HK2: variants seen among roughly 807,000 people sequenced by gnomAD.
HK2 encodes the protein hexokinase-2.
In HK2, 42 loss-of-function variants were observed where a neutral mutation model predicts 92.9. That is an observed-to-expected ratio of 0.45 (90% CI 0.35 to 0.58). The LOEUF (loss-of-function observed/expected upper bound fraction) is 0.58. Ranked by LOEUF, HK2 falls within the 20% of genes least tolerant of loss-of-function variation. The pLI is 0.00. For synonymous variants in HK2, 422 were observed against 468.0 expected (o/e 0.90, Z 1.27); for missense variants, 978 against 1,245.1 (o/e 0.79, Z 3.23).
intron 3 of HK2, among the ~76,000 whole-genome samples, chr2:74,868,341 T>C (rs907664544): frequency 2.0e-5 from 3 of 152,042 alleles, no homozygotes; most frequent in Admixed American, 1.3e-4. Flanking sequence ...ACACAGAGGG[T>C]AGCGGCCCTT....
chr2:74,873,187 G>C, intron 4 of HK2, 89 bp from the exon 5 acceptor site: 2 of 953,210 alleles, frequency 2.1e-6, no homozygotes, highest in South Asian at 2.6e-5. Context: ...CAGTGGCAGA[G>C]GTCTCTGCTA....
rs28363000 is a variant in HK2 at position 74,871,827 on chromosome 2, C to G, written c.376-473C>G. The stretch of plus-strand genomic sequence containing the variant: ...AATGCTGTCCCTGCAAACCACCCCC[C>G]ACCCCATCACCAGAGACAGGGATAC... On this transcript the variant is annotated intron_variant, in intron 3 of 17. Transcript: ENST00000290573. 6.6e-5 allele frequency among the ~76,000 whole-genome samples: 10 copies of G among 152,298 alleles called. No individual in the cohort carries two copies. The South Asian group carries it at 2.1e-3, about 32-fold the overall frequency.
intron 1 of HK2, among the ~76,000 whole-genome samples, chr2:74,843,182 T>C (rs1361088627): frequency 1.3e-5 from 2 of 152,092 alleles, no homozygotes; most frequent in African/African-American, 4.8e-5. Flanking sequence ...ATTCTCACAT[T>C]CTTTCGGCAG....
chr2:74,837,672 CTTTTTT>C (rs894014535), intron 1 of HK2, among the ~76,000 whole-genome samples: 1 of 104,134 alleles, frequency 9.6e-6, no homozygotes, highest in African/African-American at 3.7e-5. Context: ...TTGCCCTTGT[CTTTTTT>C]TTTTTTTTTT....
chr2:74,892,386 C>T lies in HK2; in HGVS notation c.*1445C>T, dbSNP rs998348210. 11 of 152,168 alleles carry T rather than the reference C, an allele frequency of 7.2e-5. No homozygotes were observed. The highest frequency in any genetic ancestry group is 2.4e-4 in the African/African-American group (10 of 41,434). 9.4% of individuals were successfully genotyped at this position (152,168 alleles called of 1,614,324 possible). On this transcript the variant is annotated 3_prime_UTR_variant, in exon 18 of 18. Transcript: ENST00000290573. ...TTGGGTTTGTATTTTAAATGTTTTA[C>T]AAGAATTGTCCATGTGCTTCCCTAG... is the stretch of plus-strand genomic sequence containing the variant.
intron 17 of HK2, among the ~76,000 whole-genome samples, chr2:74,890,111 A>G (rs1377152668): frequency 2.6e-5 from 4 of 152,152 alleles, no homozygotes; most frequent in Non-Finnish European, 5.9e-5. Context: ...CAACAGCCAC[A>G]GGCTGTTATT....
chr2:74,855,899 CA>C (rs1156774433), intron 2 of HK2, among the ~76,000 whole-genome samples: 2 of 152,066 alleles, frequency 1.3e-5, no homozygotes, highest in Non-Finnish European at 2.9e-5. Context: ...GGGGACCGAA[CA>C]AAGTTGTGTC....
chr2:74,863,989 A>G (rs530712098), intron 2 of HK2, among the ~76,000 whole-genome samples: 41 of 152,010 alleles, frequency 2.7e-4, no homozygotes, highest in Non-Finnish European at 4.3e-4. Flanking sequence ...AATACAGTCC[A>G]GTGTTCTGAT....
At chr2:74,886,903 A>C (rs1689553317) in intron 15 of HK2, among the ~76,000 whole-genome samples, 1 of 152,202 alleles carries the variant, frequency 6.6e-6, no homozygotes. Context: ...AGAATACTAG[A>C]CCCTAGGTCT....
chr2:74,846,586 A>C (rs1688443920), intron 1 of HK2, among the ~76,000 whole-genome samples: 1 of 152,164 alleles, frequency 6.6e-6, no homozygotes, highest in Admixed American at 6.5e-5. Flanking sequence ...TTTGAGATTC[A>C]TCTATGTGGT....
At position 74,890,851 on chromosome 2, in the gene HK2, G is replaced by A. The variant is rs1239061124; in HGVS notation, c.2664G>A (p.Val888=). Reference sequence around the variant, plus strand: ...AGGACCTGGCTCCGAAATGTGATGTGTCTTTCCTGCAGTCAGAGGATGGCA... The same window carrying A: ...AGGACCTGGCTCCGAAATGTGATGTATCTTTCCTGCAGTCAGAGGATGGCA... The part of the protein sequence containing the change: ...TVKDLAPKCD[V]SFLQSEDGSG... The change falls in exon 18 of 18, where the codon GTG becomes GTA. Residue 888 remains valine, a synonymous_variant. Coordinates refer to ENST00000290573, the MANE Select transcript of HK2 (RefSeq NM_000189.5). The A allele has an allele frequency of 7.4e-6, 12 of 1,614,074 alleles. No individual in the cohort carries two copies. The highest frequency in any genetic ancestry group is 1.0e-5 in the Non-Finnish European group (12 of 1,180,028).
chr2:74,846,856 A>C (rs1688453783), intron 1 of HK2, among the ~76,000 whole-genome samples: 1 of 152,236 alleles, frequency 6.6e-6, no homozygotes, highest in South Asian at 2.1e-4. Flanking sequence ...AGACGAAAGT[A>C]GTCATAATAA....
rs1689719674 is a variant in HK2, at chr2:74,893,030, C to T, written c.*2089C>T. The T allele has an allele frequency of 7.7e-6, 1 of 129,304 alleles. No individual in the cohort carries two copies. The highest frequency in any genetic ancestry group is 2.7e-4 in the South Asian group (1 of 3,698). The allele number at this position is 129,304 out of a possible 1,614,324, so 8.0% of individuals were successfully genotyped here. A position where few individuals can be genotyped will look rare whatever the true frequency, so the allele number is the denominator to read the frequency against. On this transcript the variant is annotated 3_prime_UTR_variant, in exon 18 of 18. Coordinates refer to ENST00000290573, the MANE Select transcript of HK2 (RefSeq NM_000189.5). ...AGATTAGGTACTATCTGTGAAGTTA[C>T]ACTTTTTTTTTTTTTTTTAAAGGTA...
chr2:74,862,400 C>T (rs1172425246), intron 2 of HK2, among the ~76,000 whole-genome samples: 1 of 152,208 alleles, frequency 6.6e-6, no homozygotes, highest in Non-Finnish European at 1.5e-5. Flanking sequence ...GAGGCTTGGT[C>T]CTCTGTGCAG....
intron 7 of HK2, among the ~76,000 whole-genome samples, chr2:74,874,807 T>C (rs1034466965): frequency 2.0e-5 from 3 of 152,052 alleles, no homozygotes; most frequent in Non-Finnish European, 4.4e-5. Context: ...AAGATTGGGG[T>C]CTCTGAAAGC....
At chr2:74,846,206 C>A (rs1188384723) in intron 1 of HK2, among the ~76,000 whole-genome samples, 1 of 152,184 alleles carries the variant, frequency 6.6e-6, no homozygotes, top group Non-Finnish European at 1.5e-5. Context: ...TTTGTGTGGC[C>A]AGATTTAAAT....
intron 1 of HK2, among the ~76,000 whole-genome samples, chr2:74,841,006 G>C (rs1688303249): frequency 6.6e-6 from 1 of 151,876 alleles, no homozygotes; most frequent in South Asian, 2.1e-4. Context: ...TTGTGCTGGA[G>C]TGGCTCTTTC....
At position 74,882,126 on chromosome 2, in the gene HK2, G is replaced by T; in HGVS notation, c.1726G>T (p.Asp576Tyr). 2 of 1,614,112 alleles carry T rather than the reference G, an allele frequency of 1.2e-6. No individual in the cohort carries two copies. Among genetic ancestry groups the T allele is most frequent in the South Asian group, 2.2e-5 (2 of 91,024 alleles). The stretch of plus-strand genomic sequence containing the variant: ...TCCTAACTTCTCCCTGCAGCTCTTT[G>T]ACCACATTGTCCAGTGCATCGCGGA... ...VMHGTGDELF[D>Y]HIVQCIADFL... The change falls in exon 12 of 18, where the codon GAC becomes TAC. Residue 576 changes from aspartate to tyrosine, a missense_variant. Coordinates refer to ENST00000290573, the MANE Select transcript of HK2 (RefSeq NM_000189.5).
At chr2:74,888,107 C>G (rs569272047) in intron 16 of HK2, 49 bp downstream of exon 16, 1 of 1,586,012 alleles carries the variant, frequency 6.3e-7, no homozygotes, top group Admixed American at 1.7e-5. Context: ...CCTTTTTTCT[C>G]ACTGGCAGAC....
Sources: allele counts gnomAD v4.1 joint callset (sites outside exome capture counted in the v4.1 genomes callset), GRCh38; gene constraint gnomAD v4.1.1; transcripts MANE v1.5; gene names NCBI Gene and HGNC (gene_info 2026-07-23, HGNC 2026-07-21).